Variants in CEP63 observed in about 807,000 individuals in gnomAD.
CEP63 encodes centrosomal protein of 63 kDa.
CEP63 carries 84 observed loss-of-function variants against 89.1 expected under a neutral mutation model. The ratio of observed to expected loss-of-function variants is 0.94; its 90% confidence interval spans 0.79 to 1.13. The LOEUF is 1.13. Ranked by LOEUF, CEP63 falls within the 50% of genes most tolerant of loss-of-function variation. CEP63 has a pLI of 0.00. For synonymous variants in CEP63, 267 were observed against 272.5 expected (o/e 0.98, Z 0.20); for missense variants, 838 against 813.3 (o/e 1.03, Z -0.37).
At chr3:134,702,647 A>C in the CEP63 span, among the ~76,000 whole-genome samples, 2 of 152,226 alleles carry the variant, frequency 1.3e-5, no homozygotes, top group South Asian at 4.1e-4. Flanking sequence ...AAACATTAAA[A>C]AGTGGGCAAA....
intron 3 of CEP63, among the ~76,000 whole-genome samples, chr3:134,523,642 GGGA>G (rs1339829846): frequency 7.9e-5 from 12 of 152,124 alleles, no homozygotes; most frequent in African/African-American, 2.2e-4. Flanking sequence ...TTATTGAATA[GGGA>G]GTCCTTTCCT....
chr3:134,697,784 C>CT, the CEP63 span, among the ~76,000 whole-genome samples: 1 of 152,208 alleles, frequency 6.6e-6, no homozygotes, highest in Non-Finnish European at 1.5e-5. Context: ...TAGCACTTAG[C>CT]TTTTTCTTCT....
At chr3:134,725,393 T>TA in the CEP63 span, among the ~76,000 whole-genome samples, 1 of 152,060 alleles carries the variant, frequency 6.6e-6, no homozygotes, top group Non-Finnish European at 1.5e-5. Context: ...ACACCCCAAA[T>TA]ACATATGAGT....
intron 6 of CEP63, among the ~76,000 whole-genome samples, chr3:134,539,541 G>A (rs1951560166): frequency 6.6e-6 from 1 of 152,022 alleles, no homozygotes; most frequent in South Asian, 2.1e-4. Context: ...TTCTCCAGTT[G>A]TCCAGAAAAC....
the CEP63 span, among the ~76,000 whole-genome samples, chr3:134,691,693 A>C: frequency 6.6e-6 from 1 of 152,148 alleles, no homozygotes; most frequent in Non-Finnish European, 1.5e-5. Context: ...CATGAAAACA[A>C]ATCTATTTTC....
At chr3:134,540,286 C>G (rs1487875793) in intron 6 of CEP63, among the ~76,000 whole-genome samples, 1 of 152,088 alleles carries the variant, frequency 6.6e-6, no homozygotes, top group East Asian at 1.9e-4. Flanking sequence ...GTGTAGAATT[C>G]CCCCCTATCG....
the CEP63 span, among the ~76,000 whole-genome samples, chr3:134,627,591 G>A: frequency 6.6e-6 from 1 of 152,120 alleles, no homozygotes; most frequent in Non-Finnish European, 1.5e-5. Context: ...TGTGTCCATG[G>A]CAGACATTGC....
chr3:134,682,729 G>A, the CEP63 span, among the ~76,000 whole-genome samples: 3 of 152,098 alleles, frequency 2.0e-5, no homozygotes, highest in Non-Finnish European at 2.9e-5. Flanking sequence ...CTCCATGCTC[G>A]GCACTATTTT....
intron 11 of CEP63, chr3:134,574,699 C>T (rs555931329): frequency 4.0e-5 from 18 of 453,564 alleles, no homozygotes; most frequent in Admixed American, 7.5e-5. Flanking sequence ...CCTCCACCTC[C>T]TGGGCTCAAC....
At chr3:134,521,712 A>G (rs1947499334) in intron 3 of CEP63, among the ~76,000 whole-genome samples, 1 of 152,216 alleles carries the variant, frequency 6.6e-6, no homozygotes, top group Admixed American at 6.5e-5. Flanking sequence ...ATTAACAGCT[A>G]ATATTCTCAC....
At chr3:134,715,742 A>G in the CEP63 span, among the ~76,000 whole-genome samples, 1 of 152,066 alleles carries the variant, frequency 6.6e-6, no homozygotes, top group Non-Finnish European at 1.5e-5. Context: ...AAGGAAGCTC[A>G]CAATTGATGC....
chr3:134,500,271 T>G (rs1037203168), intron 2 of CEP63, among the ~76,000 whole-genome samples: 2 of 152,190 alleles, frequency 1.3e-5, no homozygotes, highest in African/African-American at 4.8e-5. Flanking sequence ...CAAAGAACAT[T>G]TTGTTTTTCT....
At chr3:134,626,029 GA>G in the CEP63 span, among the ~76,000 whole-genome samples, 21 of 152,266 alleles carry the variant, frequency 1.4e-4, no homozygotes. Flanking sequence ...CAGGTGCATG[GA>G]CAGCAGACCC....
At chr3:134,521,115 C>A (rs1021898227) in intron 3 of CEP63, among the ~76,000 whole-genome samples, 2 of 152,076 alleles carry the variant, frequency 1.3e-5, no homozygotes, top group South Asian at 2.1e-4. Flanking sequence ...GGGCAAAAGA[C>A]AAATAGTCAT....
chr3:134,601,362 T>G, the CEP63 span, among the ~76,000 whole-genome samples: 1 of 152,142 alleles, frequency 6.6e-6, no homozygotes, highest in African/African-American at 2.4e-5. Flanking sequence ...TCTGCAATGC[T>G]CCAGGATGTA....
At chr3:134,576,810 C>T (rs150473488), downstream of CEP63, among the ~76,000 whole-genome samples, 61 of 152,148 alleles carry the variant, frequency 4.0e-4, no homozygotes, top group East Asian at 8.5e-3. Flanking sequence ...TAGAGGGGCA[C>T]GCGTGGGGTG....
the CEP63 span, among the ~76,000 whole-genome samples, chr3:134,691,270 ATCTT>A: frequency 3.3e-5 from 5 of 151,844 alleles, no homozygotes; most frequent in African/African-American, 1.2e-4. Flanking sequence ...AGCTGGGAGG[ATCTT>A]TTGAACCCAA....
At chr3:134,664,354 C>T in the CEP63 span, among the ~76,000 whole-genome samples, 4 of 152,184 alleles carry the variant, frequency 2.6e-5, no homozygotes, top group African/African-American at 9.7e-5. Context: ...GCCCTCAGCA[C>T]ACAGCCAGGC....
the CEP63 span, among the ~76,000 whole-genome samples, chr3:134,653,765 G>A: frequency 8.7e-4 from 133 of 152,136 alleles, 1 homozygote; most frequent in African/African-American, 3.1e-3. Flanking sequence ...ACAATCAACG[G>A]GACAAATAAC....
Sources: gnomAD v4.1 joint callset for allele counts (sites outside exome capture counted in the v4.1 genomes callset) on GRCh38, gnomAD v4.1.1 for gene constraint, MANE v1.5 for transcripts, NCBI Gene and HGNC (gene_info 2026-07-23, HGNC 2026-07-21) for gene names.